The following TMEM182 variants were observed in gnomAD, a reference collection of about 807,000 sequenced individuals.
TMEM182 encodes transmembrane protein 182.
Under a neutral mutation model 26.8 loss-of-function variants are expected in TMEM182, and 20 were observed. The ratio of observed to expected loss-of-function variants is 0.75; its 90% CI spans 0.53 to 1.09. TMEM182 has a LOEUF of 1.09. Among genes scored for constraint, TMEM182 ranks in the 50% least tolerant of loss-of-function variants. The pLI is 0.00. For missense variants in TMEM182, 277 were observed against 275.5 expected (o/e 1.01, Z -0.04); for synonymous variants, 109 against 102.2 (o/e 1.07, Z -0.40).
At chr2:102,776,787 G>A (rs1680934826) in intron 3 of TMEM182, among the ~76,000 whole-genome samples, 1 of 152,166 alleles carries the variant, frequency 6.6e-6, no homozygotes, top group African/African-American at 2.4e-5. Context: ...ATGAGTTACT[G>A]TTGTTCTATA....
At position 102,815,324 on chromosome 2, in the gene TMEM182, A is replaced by G. The variant is rs1436123558; in HGVS notation, c.*356A>G. ...AGATTTGGCTTAAAGTCTCCTTGGCATTCACTTCTGCTAATTAAAAAAAAT... is the reference window on the plus strand; with the variant it reads ...AGATTTGGCTTAAAGTCTCCTTGGCGTTCACTTCTGCTAATTAAAAAAAAT... On this transcript the variant is annotated 3_prime_UTR_variant, in exon 5 of 5. Transcript: ENST00000412401. The G allele has an allele frequency of 9.9e-7, 1 of 1,005,880 alleles. No homozygotes were observed. The highest frequency in any genetic ancestry group is 1.2e-6 in the Non-Finnish European group (1 of 844,038). The allele number at this position is 1,005,880 out of a possible 1,614,324, so 62.3% of individuals were successfully genotyped here. A position where few individuals can be genotyped will look rare whatever the true frequency, so the allele number is the denominator to read the frequency against.
intron 4 of TMEM182, among the ~76,000 whole-genome samples, chr2:102,810,152 A>C (rs141963376): frequency 6.6e-6 from 1 of 152,318 alleles, no homozygotes; most frequent in East Asian, 1.9e-4. Flanking sequence ...ATGTAAGAGT[A>C]TATGTGCTTC....
intron 3 of TMEM182, among the ~76,000 whole-genome samples, chr2:102,826,064 T>C (rs1573576071): frequency 6.6e-6 from 1 of 152,306 alleles, no homozygotes; most frequent in Non-Finnish European, 1.5e-5. Flanking sequence ...TTTTAAATTC[T>C]CCACTGGCCA....
intron 1 of TMEM182, among the ~76,000 whole-genome samples, chr2:102,738,279 A>G (rs999109907): frequency 6.6e-6 from 1 of 152,134 alleles, no homozygotes; most frequent in Non-Finnish European, 1.5e-5. Flanking sequence ...ACCTAGGAGG[A>G]CATCTCATAC....
chr2:102,749,139 G>A (rs1164562004), intron 1 of TMEM182, among the ~76,000 whole-genome samples: 1 of 152,006 alleles, frequency 6.6e-6, no homozygotes, highest in East Asian at 1.9e-4. Flanking sequence ...GTAAAATCCT[G>A]AACCTATTTT....
intron 3 of TMEM182, among the ~76,000 whole-genome samples, chr2:102,775,794 T>G (rs1399178491): frequency 6.6e-6 from 1 of 152,130 alleles, no homozygotes; most frequent in Non-Finnish European, 1.5e-5. Context: ...TCATAATTGC[T>G]TCAAAGAGAA....
At chr2:102,742,646 GA>G (rs1460736810) in intron 1 of TMEM182, among the ~76,000 whole-genome samples, 1 of 152,074 alleles carries the variant, frequency 6.6e-6, no homozygotes, top group African/African-American at 2.4e-5. Flanking sequence ...ACAGAAAACT[GA>G]AAACAGAGAA....
chr2:102,840,981 G>A (rs1017662463), intron 3 of TMEM182, among the ~76,000 whole-genome samples: 1 of 152,202 alleles, frequency 6.6e-6, no homozygotes, highest in Non-Finnish European at 1.5e-5. Context: ...TTCTGCGGAA[G>A]TCGTCTTCTT....
Position 102,816,220 on chromosome 2 carries a change from G to T in TMEM182, c.*1252G>T. ...TTGCATTCTGGAAGCCTCCATCGCA[G>T]GGGAGCTCGGCAGGGTATGTGAGCT... On this transcript the variant is annotated 3_prime_UTR_variant, in exon 5 of 5. Transcript: ENST00000412401. The T allele has an allele frequency of 1.0e-6, 1 of 985,366 alleles. No individual in the cohort carries two copies. Among genetic ancestry groups the T allele is most frequent in the Non-Finnish European group, 1.2e-6 (1 of 829,924 alleles). 61.0% of individuals were successfully genotyped at this position (985,366 alleles called of 1,614,324 possible). A position where few individuals can be genotyped will look rare whatever the true frequency, so the allele number is the denominator to read the frequency against.
At chr2:102,765,275 C>T (rs1031728877) in intron 3 of TMEM182, among the ~76,000 whole-genome samples, 7 of 152,194 alleles carry the variant, frequency 4.6e-5, no homozygotes, top group South Asian at 4.2e-4. Flanking sequence ...AGATTCAGGT[C>T]AGAGCTGATG....
chr2:102,814,602 CATAAT>C, intron 4 of TMEM182, 141 bp from the exon 5 acceptor site: 2 of 671,190 alleles, frequency 3.0e-6, no homozygotes, highest in Non-Finnish European at 4.9e-6. Context: ...CTATAAAGTA[CATAAT>C]AAAAGGTCTG....
chr2:102,761,547 C>T (rs945595146), upstream of TMEM182, among the ~76,000 whole-genome samples: 8 of 152,296 alleles, frequency 5.3e-5, no homozygotes, highest in African/African-American at 1.9e-4. Context: ...AAGTATACCT[C>T]TGAATGTTTA....
At chr2:102,777,270 T>C (rs1680958375) in intron 3 of TMEM182, among the ~76,000 whole-genome samples, 2 of 152,084 alleles carry the variant, frequency 1.3e-5, no homozygotes, top group African/African-American at 4.8e-5. Context: ...AGTTTTATGG[T>C]TTAGCATTTT....
At chr2:102,805,983 A>G (rs903495328) in intron 4 of TMEM182, among the ~76,000 whole-genome samples, 1 of 152,186 alleles carries the variant, frequency 6.6e-6, no homozygotes, top group Non-Finnish European at 1.5e-5. Context: ...CTGAATTTCC[A>G]TAAGCTTTAT....
chr2:102,817,135 A>G lies in TMEM182; in HGVS notation c.*2167A>G, dbSNP rs1682784369. 6.1e-6 allele frequency: 6 copies of G among 985,394 alleles called. No individual in the cohort carries two copies. The highest frequency in any genetic ancestry group is 7.2e-6 in the Non-Finnish European group (6 of 829,886). 61.0% of individuals were successfully genotyped at this position (985,394 alleles called of 1,614,324 possible). On this transcript the variant is annotated 3_prime_UTR_variant, in exon 5 of 5. Coordinates refer to ENST00000412401, the MANE Select transcript of TMEM182 (RefSeq NM_144632.5). ...AAGGAGAGTTGTGATTGCTATGTCAATGAGTGAAATATACTTAAAAATGGC... is the reference window on the plus strand; with the variant it reads ...AAGGAGAGTTGTGATTGCTATGTCAGTGAGTGAAATATACTTAAAAATGGC...
At chr2:102,756,579 C>T (rs1206512047) in intron 1 of TMEM182, among the ~76,000 whole-genome samples, 4 of 135,518 alleles carry the variant, frequency 3.0e-5, no homozygotes, top group African/African-American at 8.0e-5. Flanking sequence ...TGTGGTGGTG[C>T]GTGCCTGTAG....
chr2:102,738,943 A>G (rs1201324917), intron 1 of TMEM182, among the ~76,000 whole-genome samples: 3 of 152,218 alleles, frequency 2.0e-5, no homozygotes, highest in Non-Finnish European at 4.4e-5. Context: ...ATTATGTATG[A>G]CTTGCAAGCC....
At chr2:102,805,864 G>A (rs541196552) in intron 4 of TMEM182, among the ~76,000 whole-genome samples, 20 of 151,988 alleles carry the variant, frequency 1.3e-4, no homozygotes, top group African/African-American at 3.4e-4. Flanking sequence ...AGCTGTGACC[G>A]CACCACTGTA....
chr2:102,816,426 C>T lies in TMEM182; in HGVS notation c.*1458C>T, dbSNP rs1289448249. On this transcript the variant is annotated 3_prime_UTR_variant, in exon 5 of 5. Transcript: ENST00000412401. ...CTTCTCTGTACATCTTGTGCTTTTC[C>T]ATTAAGACTTGTTCCAGTGGGAAGG... 4.1e-6 allele frequency: 4 copies of T among 984,892 alleles called. No homozygotes were observed. The East Asian group carries it at 4.5e-4, about 112-fold the overall frequency. The allele number at this position is 984,892 out of a possible 1,614,324, so 61.0% of individuals were successfully genotyped here.
Sources: allele counts gnomAD v4.1 joint callset (sites outside exome capture counted in the v4.1 genomes callset), GRCh38; gene constraint gnomAD v4.1.1; transcripts MANE v1.5; gene names NCBI Gene and HGNC (gene_info 2026-07-23, HGNC 2026-07-21).